TRIM44: variants seen among roughly 807,000 people sequenced by gnomAD.
The protein encoded by TRIM44 is tripartite motif-containing protein 44.
A neutral mutation model predicts 37.4 loss-of-function variants in TRIM44; 13 were observed. The ratio of observed to expected loss-of-function variants is 0.35; its 90% confidence interval spans 0.23 to 0.55. The LOEUF is 0.55. TRIM44 is among the 20% of genes least tolerant of loss of function. TRIM44 has a pLI of 0.89. For missense variants in TRIM44, 426 were observed against 437.2 expected, an observed-to-expected ratio of 0.97 and a Z score of 0.23; for synonymous variants, 175 against 157.2, an observed-to-expected ratio of 1.11 and a Z score of -0.85.
intron 1 of TRIM44, among the ~76,000 whole-genome samples, chr11:35,683,178 G>T (rs185386650): frequency 5.9e-5 from 9 of 152,256 alleles, no homozygotes; most frequent in African/African-American, 1.9e-4. Flanking sequence ...TGACCTCTAA[G>T]TTCCTTTTGT....
At chr11:35,772,722 T>C (rs753239837) in intron 4 of TRIM44, among the ~76,000 whole-genome samples, 3 of 152,180 alleles carry the variant, frequency 2.0e-5, no homozygotes, top group Non-Finnish European at 4.4e-5. Context: ...GTACCCCCAT[T>C]GTATCTAGGA....
Position 35,663,025 on chromosome 11 carries a change from C to T in TRIM44, c.-87C>T. 1 of 1,435,596 alleles carries T rather than the reference C, an allele frequency of 7.0e-7. No individual in the cohort carries two copies. The highest frequency in any genetic ancestry group is 2.5e-5 in the East Asian group (1 of 40,030). The allele number at this position is 1,435,596 out of a possible 1,614,324, so 88.9% of individuals were successfully genotyped here. On this transcript the variant is annotated 5_prime_UTR_variant, in exon 1 of 5. Transcript: ENST00000299413. ...GGGAGGCGACTCCCTAGGAAGGGACCCGGGGCGGGAGGAGGAAGTGAGGCC... is the reference window on the plus strand; with the variant it reads ...GGGAGGCGACTCCCTAGGAAGGGACTCGGGGCGGGAGGAGGAAGTGAGGCC...
intron 2 of TRIM44, among the ~76,000 whole-genome samples, chr11:35,711,248 A>G (rs1186933300): frequency 6.6e-6 from 1 of 151,852 alleles, no homozygotes; most frequent in East Asian, 1.9e-4. Context: ...TGCCTGAATC[A>G]GTTTTTTCAA....
chr11:35,746,217 A>G (rs764525680), intron 4 of TRIM44, among the ~76,000 whole-genome samples: 13 of 152,088 alleles, frequency 8.5e-5, no homozygotes, highest in Non-Finnish European at 1.5e-4. Context: ...AGCAGAGTGG[A>G]TTTTAGGAAG....
intron 1 of TRIM44, among the ~76,000 whole-genome samples, chr11:35,671,871 C>G (rs1367286448): frequency 6.6e-6 from 1 of 152,280 alleles, no homozygotes; most frequent in East Asian, 1.9e-4. Context: ...TGAACTGAGC[C>G]TAGTCTTTAG....
chr11:35,666,244 A>G (rs779431724), intron 1 of TRIM44, among the ~76,000 whole-genome samples: 4 of 152,060 alleles, frequency 2.6e-5, no homozygotes, highest in Non-Finnish European at 5.9e-5. Context: ...TCTGTTCTCT[A>G]CTGTTTATCT....
rs1853576396 is a variant in TRIM44, at chr11:35,815,942, A to T, written c.*9557A>T. 1 of 152,136 alleles carries T rather than the reference A, an allele frequency of 6.6e-6. No individual in the cohort carries two copies. The allele number at this position is 152,136 out of a possible 1,614,324, so 9.4% of individuals were successfully genotyped here. ...TTACAATGACTTACTTCTAATAATC[A>T]CTGAAACAGCCTCATGAGGACATGC... On this transcript the variant is annotated 3_prime_UTR_variant, in exon 5 of 5. Coordinates refer to ENST00000299413, the MANE Select transcript of TRIM44 (RefSeq NM_017583.6).
At chr11:35,686,356 C>CTTTTTG (rs1334818306) in intron 2 of TRIM44, among the ~76,000 whole-genome samples, 1 of 143,622 alleles carries the variant, frequency 7.0e-6, no homozygotes, top group Non-Finnish European at 1.5e-5. Context: ...ACTGTAGGTT[C>CTTTTTG]TTTTTGTTTT....
chr11:35,681,952 CTTTTT>C (rs35760830), intron 1 of TRIM44, among the ~76,000 whole-genome samples: 1 of 101,364 alleles, frequency 9.9e-6, no homozygotes, highest in Non-Finnish European at 1.9e-5. Flanking sequence ...ATGTCCCATA[CTTTTT>C]TTTTTTTTTT....
At chr11:35,790,164 T>C (rs1171872446) in intron 4 of TRIM44, among the ~76,000 whole-genome samples, 1 of 152,218 alleles carries the variant, frequency 6.6e-6, no homozygotes, top group Non-Finnish European at 1.5e-5. Context: ...CATCGTAAGA[T>C]GACAGCTGGC....
At chr11:35,681,902 C>A (rs1475349760) in intron 1 of TRIM44, among the ~76,000 whole-genome samples, 2 of 151,638 alleles carry the variant, frequency 1.3e-5, no homozygotes, top group Non-Finnish European at 2.9e-5. Context: ...GACTCAGATA[C>A]CACCACCCTT....
chr11:35,721,605 G>A (rs891351852), intron 2 of TRIM44, among the ~76,000 whole-genome samples: 4 of 152,198 alleles, frequency 2.6e-5, no homozygotes, highest in Non-Finnish European at 4.4e-5. Flanking sequence ...TTCTGAAGAA[G>A]ATGAGAAAGA....
intron 2 of TRIM44, among the ~76,000 whole-genome samples, chr11:35,711,979 T>C (rs1468576721): frequency 6.6e-6 from 1 of 152,176 alleles, no homozygotes; most frequent in Non-Finnish European, 1.5e-5. Context: ...ATGACACCAA[T>C]TGCATGTTTT....
At chr11:35,737,609 G>A (rs893102396) in intron 4 of TRIM44, among the ~76,000 whole-genome samples, 10 of 152,202 alleles carry the variant, frequency 6.6e-5, no homozygotes, top group African/African-American at 2.4e-4. Context: ...GCCGAGGCAG[G>A]TGGATCACCT....
chr11:35,711,501 A>G (rs1851972897), intron 2 of TRIM44, among the ~76,000 whole-genome samples: 1 of 151,474 alleles, frequency 6.6e-6, no homozygotes, highest in South Asian at 2.1e-4. Flanking sequence ...AATAGGGAAT[A>G]ATAGTACATA....
intron 4 of TRIM44, among the ~76,000 whole-genome samples, chr11:35,739,393 A>G (rs2135523222): frequency 6.6e-6 from 1 of 152,282 alleles, no homozygotes; most frequent in Non-Finnish European, 1.5e-5. Context: ...CTCAGCCACC[A>G]TGTGGACTAT....
chr11:35,711,055 G>A (rs538544586), intron 2 of TRIM44, among the ~76,000 whole-genome samples: 1 of 152,322 alleles, frequency 6.6e-6, no homozygotes. Flanking sequence ...GGAATGTGGG[G>A]TGACTGCTAA....
intron 4 of TRIM44, among the ~76,000 whole-genome samples, chr11:35,769,914 T>G (rs1852844180): frequency 6.8e-6 from 1 of 147,444 alleles, no homozygotes; most frequent in African/African-American, 2.4e-5. Context: ...TTTTATAATT[T>G]CAACTTTTAT....
At chr11:35,754,771 T>G (rs1852609721) in intron 4 of TRIM44, among the ~76,000 whole-genome samples, 1 of 151,920 alleles carries the variant, frequency 6.6e-6, no homozygotes, top group Non-Finnish European at 1.5e-5. Context: ...TTTTTGTTCT[T>G]GCAATAGTTT....
Sources: allele counts gnomAD v4.1 joint callset (sites outside exome capture counted in the v4.1 genomes callset), GRCh38; gene constraint gnomAD v4.1.1; transcripts MANE v1.5; gene names NCBI Gene and HGNC (gene_info 2026-07-23, HGNC 2026-07-21).